The following NEDD4 variants were observed in gnomAD, a reference collection of about 807,000 sequenced individuals.
NEDD4 encodes E3 ubiquitin-protein ligase NEDD4.
NEDD4 carries 99 observed loss-of-function variants against 144.9 expected under a neutral mutation model. The ratio of observed to expected loss-of-function variants is 0.68; its 90% CI spans 0.58 to 0.81. NEDD4 has a LOEUF of 0.81. NEDD4 is among the 30% of genes least tolerant of loss of function. The probability of loss-of-function intolerance (pLI) is 0.00; values close to 1 mark genes in which losing one functional copy is unlikely to be tolerated. For missense variants in NEDD4, 985 were observed against 1,065.9 expected, an observed-to-expected ratio of 0.92 and a Z score of 1.06; for synonymous variants, 318 against 350.6, an observed-to-expected ratio of 0.91 and a Z score of 1.04.
At chr15:55,884,079 C>T (rs2035301066) in intron 5 of NEDD4, among the ~76,000 whole-genome samples, 1 of 152,028 alleles carries the variant, frequency 6.6e-6, no homozygotes, top group Non-Finnish European at 1.5e-5. Flanking sequence ...TGGGTTTCAC[C>T]ATGTTGGCCA....
At chr15:55,990,684 T>A (rs1171529828) in intron 1 of NEDD4, among the ~76,000 whole-genome samples, 2 of 152,162 alleles carry the variant, frequency 1.3e-5, no homozygotes, top group East Asian at 3.8e-4. Context: ...TTAATTTCAA[T>A]GGAGTGTGGG....
chr15:55,955,015 C>A (rs557324385), intron 2 of NEDD4, among the ~76,000 whole-genome samples: 2 of 152,254 alleles, frequency 1.3e-5, no homozygotes, highest in Admixed American at 1.3e-4. Flanking sequence ...CTGCACTGCA[C>A]TGCACTGCAT....
intron 18 of NEDD4, among the ~76,000 whole-genome samples, chr15:55,843,793 T>C (rs2033621632): frequency 6.6e-6 from 1 of 152,132 alleles, no homozygotes; most frequent in African/African-American, 2.4e-5. Context: ...AACTTTAGAC[T>C]GGATACTAGG....
At chr15:55,850,796 A>C (rs2033954984) in intron 13 of NEDD4, 54 bp from the exon 14 acceptor site, 1 of 1,496,434 alleles carries the variant, frequency 6.7e-7, no homozygotes, top group African/African-American at 1.4e-5. Flanking sequence ...ACTCACAAAT[A>C]GATGTAGTTA....
chr15:55,941,330 T>G (rs989453554), intron 4 of NEDD4, among the ~76,000 whole-genome samples: 1 of 152,224 alleles, frequency 6.6e-6, no homozygotes, highest in Non-Finnish European at 1.5e-5. Context: ...TATACAAGTA[T>G]TTAAAGGTAT....
chr15:55,832,488 C>T (rs1204941485), intron 27 of NEDD4, among the ~76,000 whole-genome samples: 1 of 152,160 alleles, frequency 6.6e-6, no homozygotes, highest in African/African-American at 2.4e-5. Flanking sequence ...GATCTTGGCT[C>T]ACTGCAACGT....
chr15:55,899,474 A>G (rs956045708), intron 5 of NEDD4, among the ~76,000 whole-genome samples: 1 of 152,208 alleles, frequency 6.6e-6, no homozygotes, highest in African/African-American at 2.4e-5. Flanking sequence ...AAACAGGAAA[A>G]ACGGGGATGT....
At chr15:55,883,424 G>A (rs1460647784) in intron 5 of NEDD4, among the ~76,000 whole-genome samples, 2 of 152,070 alleles carry the variant, frequency 1.3e-5, no homozygotes, top group African/African-American at 2.4e-5. Context: ...ACTTCTAGAC[G>A]GCATCTCTGA....
At chr15:55,955,000 TTGCACTGCAC>T (rs1191609856) in intron 2 of NEDD4, among the ~76,000 whole-genome samples, 17 of 152,214 alleles carry the variant, frequency 1.1e-4, no homozygotes, top group Non-Finnish European at 1.5e-4. Flanking sequence ...TTGTATTGCA[TTGCACTGCAC>T]TGCACTGCAC....
At chr15:55,915,420 C>A (rs2142207977) in intron 5 of NEDD4, 1 of 1,613,836 alleles carries the variant, frequency 6.2e-7, no homozygotes, top group East Asian at 2.2e-5. Flanking sequence ...GTGCTTAAGG[C>A]TGGATAGACA....
rs766662782 is a variant in NEDD4, at chr15:55,860,416, T to C, written c.951A>G (p.Ala317=). ...IFGNSAVSQP[A]SSSNHSSRRG... is the part of the protein sequence containing the mutation. ...TCTAAGAGCATCTTACTGAGCTCGA[T>C]GCTGGCTGGCTCACGGCTGAATTTC... is the stretch of plus-strand genomic sequence containing the variant. The change falls in exon 11 of 29, where the codon GCA becomes GCG. Residue 317 remains alanine (A), a synonymous_variant. Transcript: ENST00000435532. The C allele has an allele frequency of 3.7e-6, 6 of 1,613,972 alleles. No homozygotes were observed. Among genetic ancestry groups the C allele is most frequent in the South Asian group, 3.3e-5 (3 of 91,076 alleles).
intron 9 of NEDD4, among the ~76,000 whole-genome samples, chr15:55,862,492 T>C (rs2034444894): frequency 6.6e-6 from 1 of 152,176 alleles, no homozygotes; most frequent in Non-Finnish European, 1.5e-5. Flanking sequence ...TTTAACGTAA[T>C]ACCCTTATTA....
chr15:55,917,019 AC>A, intron 5 of NEDD4: 1 of 1,316,670 alleles, frequency 7.6e-7, no homozygotes, highest in Non-Finnish European at 9.6e-7. Context: ...GAAAAAGACG[AC>A]CCATTCCAGA....
At chr15:55,900,801 T>C (rs543592246) in intron 5 of NEDD4, among the ~76,000 whole-genome samples, 2 of 152,278 alleles carry the variant, frequency 1.3e-5, no homozygotes, top group South Asian at 4.1e-4. Flanking sequence ...ACTAAACATT[T>C]TAATATGAAG....
rs1168159438 is a variant in NEDD4 at position 55,860,675 on chromosome 15, G to A, written c.778C>T (p.Arg260Ter). 2.5e-6 allele frequency: 4 copies of A among 1,613,972 alleles called. No individual in the cohort carries two copies. The highest frequency in any genetic ancestry group is 2.2e-5 in the East Asian group (1 of 44,892). ...ACTACTTATACCTCGGAAGACTCTCGGTTGTCAACACTTTCTGTTTCCTCG... is the reference window on the plus strand; with the variant it reads ...ACTACTTATACCTCGGAAGACTCTCAGTTGTCAACACTTTCTGTTTCCTCG... ...ISEETESVDN[R>*]ESSENWEIIR... The change falls in exon 10 of 29, where the codon CGA becomes TGA. Residue 260 changes from arginine to a stop codon, truncating the protein, a stop_gained. Transcript: ENST00000435532. LOFTEE classifies it high-confidence loss of function.
intron 5 of NEDD4, among the ~76,000 whole-genome samples, chr15:55,889,670 A>C (rs538940085): frequency 6.6e-6 from 1 of 152,164 alleles, no homozygotes; most frequent in Middle Eastern, 3.4e-3. Context: ...AACTTTAGTC[A>C]AAAATAATTT....
chr15:55,982,902 A>T (rs1237953497), intron 1 of NEDD4, among the ~76,000 whole-genome samples: 1 of 152,156 alleles, frequency 6.6e-6, no homozygotes. Flanking sequence ...TAGGTGGATC[A>T]CCTGAGGTCA....
chr15:55,980,053 C>G (rs1455760470), intron 1 of NEDD4, among the ~76,000 whole-genome samples: 2 of 152,032 alleles, frequency 1.3e-5, no homozygotes, highest in African/African-American at 4.8e-5. Flanking sequence ...AGTGATTCTC[C>G]TACCTCAGCC....
In NEDD4 at chr15:55,833,102, A is replaced by T. The variant is rs1279278508; in HGVS notation, c.2433T>A (p.Ala811=). The T allele has an allele frequency of 1.9e-6, 3 of 1,601,834 alleles. No individual in the cohort carries two copies. The highest frequency in any genetic ancestry group is 1.7e-6 in the Non-Finnish European group (2 of 1,170,208). ...TTTTTTCTGAATCCATCATTAAAACAGCCTGAATAAGATAAAAACATCATT... is the reference window on the plus strand; with the variant it reads ...TTTTTTCTGAATCCATCATTAAAACTGCCTGAATAAGATAAAAACATCATT... ...NHQVIQWFWK[A]VLMMDSEKRI... The change falls in exon 27 of 29, where the codon GCT becomes GCA. Residue 811 remains alanine (A), a splice_region_variant and synonymous_variant. Transcript: ENST00000435532.
Sources: allele counts gnomAD v4.1 joint callset (sites outside exome capture counted in the v4.1 genomes callset), GRCh38; gene constraint gnomAD v4.1.1; transcripts MANE v1.5; gene names NCBI Gene and HGNC (gene_info 2026-07-23, HGNC 2026-07-21).